The following LIMCH1 variants were observed in gnomAD, a reference collection of about 807,000 sequenced individuals.
LIMCH1 encodes the protein LIM and calponin homology domains 1, also known as LIM and calponin homology domains-containing protein 1.
LIMCH1 carries 113 observed loss-of-function variants against 176.5 expected under a neutral mutation model. The ratio of observed to expected loss-of-function variants is 0.64; its 90% CI spans 0.55 to 0.75. The LOEUF (loss-of-function observed/expected upper bound fraction) is 0.75, where lower values mean the gene tolerates loss of function less well. Ranked by LOEUF, LIMCH1 falls within the 30% of genes least tolerant of loss-of-function variation. The pLI, the probability that LIMCH1 is intolerant of heterozygous loss-of-function variation, is 0.00. For missense variants in LIMCH1, 1,674 were observed against 1,814.9 expected (o/e 0.92, Z 1.41); for synonymous variants, 619 against 645.9 (o/e 0.96, Z 0.63).
At chr4:41,465,572 G>A (rs948050166) in intron 1 of LIMCH1, among the ~76,000 whole-genome samples, 3 of 152,108 alleles carry the variant, frequency 2.0e-5, no homozygotes, top group South Asian at 2.1e-4. Context: ...TATGCAGCAC[G>A]GGTTACAGCC....
intron 1 of LIMCH1, among the ~76,000 whole-genome samples, chr4:41,449,156 C>T (rs578209998): frequency 1.3e-5 from 2 of 152,258 alleles, no homozygotes; most frequent in East Asian, 3.9e-4. Flanking sequence ...GGACCTCTCT[C>T]TCTCATCCCC....
intron 1 of LIMCH1, among the ~76,000 whole-genome samples, chr4:41,390,045 AT>A (rs908652975): frequency 8.7e-5 from 13 of 148,760 alleles, no homozygotes; most frequent in South Asian, 2.1e-4. Flanking sequence ...CAGCAGCACC[AT>A]TTTTTTTTTA....
At chr4:41,363,063 C>T (rs2154091311) in intron 1 of LIMCH1, among the ~76,000 whole-genome samples, 1 of 152,302 alleles carries the variant, frequency 6.6e-6, no homozygotes, top group East Asian at 1.9e-4. Context: ...AGGAGAGCTT[C>T]CCCCTCCCAG....
intron 15 of LIMCH1, 124 bp from the exon 16 acceptor site, chr4:41,645,999 G>A (rs1222467208): frequency 2.1e-6 from 2 of 954,030 alleles, no homozygotes; most frequent in Admixed American, 2.4e-5. Flanking sequence ...GAATGCACAC[G>A]ATGTTATAGT....
At chr4:41,616,814 C>A (rs2152810470) in intron 5 of LIMCH1, among the ~76,000 whole-genome samples, 1 of 152,202 alleles carries the variant, frequency 6.6e-6, no homozygotes, top group Middle Eastern at 3.4e-3. Context: ...CATGAGGACC[C>A]TGAAGTATAG....
chr4:41,592,815 A>C (rs536434776), intron 1 of LIMCH1, among the ~76,000 whole-genome samples: 1 of 152,216 alleles, frequency 6.6e-6, no homozygotes, highest in African/African-American at 2.4e-5. Context: ...TAGAAAAGCT[A>C]TTTGTGCCCT....
At position 41,509,345 on chromosome 4, in the gene LIMCH1, T is replaced by C. The variant is rs1041090761; in HGVS notation, c.167+14739T>C. Among the ~76,000 whole-genome samples the C allele has an allele frequency of 2.0e-5, 3 of 152,336 alleles. No homozygotes were observed. In the South Asian group the frequency reaches 6.2e-4, roughly 32 times the overall value. On this transcript the variant is annotated intron_variant, in intron 2 of 26. Coordinates refer to the LIMCH1 transcript ENST00000313860. ...AGACCCGAGGTGGTAGGGCACAATG[T>C]GTCTTTGCACTCTTTGTCTAGAGCT...
rs1189681336 is a variant in LIMCH1 at position 41,360,916 on chromosome 4, G to A, written c.76G>A (p.Glu26Lys). 1.3e-6 allele frequency: 2 copies of A among 1,585,764 alleles called. No homozygotes were observed. Among genetic ancestry groups the A allele is most frequent in the Non-Finnish European group, 8.6e-7 (1 of 1,169,366 alleles). The change falls in exon 1 of 27, where the codon GAG becomes AAG. Residue 26 changes from glutamate (E) to lysine (K), a missense_variant. By Grantham distance (56) the Glu-to-Lys change is moderately conservative. Coordinates refer to the LIMCH1 transcript ENST00000313860. The surrounding 1 kb of genome is among the most constrained non-coding windows in gnomAD (Gnocchi z 4.5). ...GCCGCCCCCCGAGCCCGCCTTCTCC[G>A]AGGCGCAGAAGTGGATTGAGGTAGG...
intron 1 of LIMCH1, among the ~76,000 whole-genome samples, chr4:41,394,775 G>A (rs575111899): frequency 6.6e-6 from 1 of 152,256 alleles, no homozygotes; most frequent in African/African-American, 2.4e-5. Context: ...AGCATCTTTC[G>A]TGGTGGAGGA....
intron 1 of LIMCH1, among the ~76,000 whole-genome samples, chr4:41,575,352 A>G (rs1472803319): frequency 6.6e-6 from 1 of 152,218 alleles, no homozygotes; most frequent in Admixed American, 6.5e-5. Context: ...AATATTTATT[A>G]TGTGCCAGCA....
chr4:41,385,202 G>C (rs1383256705), intron 1 of LIMCH1, among the ~76,000 whole-genome samples: 1 of 152,172 alleles, frequency 6.6e-6, no homozygotes, highest in Non-Finnish European at 1.5e-5. Context: ...TTAGTGATAA[G>C]CAGGCAAGTG....
Position 41,662,916 on chromosome 4 carries a change from GAAGAAA to G in LIMCH1, c.3228_3233del (p.Glu1076_Lys1077del). On this transcript the variant is annotated inframe_deletion, in exon 20 of 32. Transcript: ENST00000503057. ...CCCCCAGCTGAAGAATGATGTGTCG[GAAGAAA>G]AAGACCAGAAGAAACCAGAAAATGA... 3.1e-6 allele frequency: 5 copies of G among 1,613,998 alleles called. No homozygotes were observed.
intron 1 of LIMCH1, among the ~76,000 whole-genome samples, chr4:41,588,866 A>AT (rs1341776555): frequency 6.6e-6 from 1 of 152,156 alleles, no homozygotes; most frequent in Admixed American, 6.5e-5. Context: ...TTAGCAAAGA[A>AT]GGAGGGAGGG....
At chr4:41,454,427 T>C (rs2064275344) in intron 1 of LIMCH1, among the ~76,000 whole-genome samples, 2 of 151,926 alleles carry the variant, frequency 1.3e-5, no homozygotes, top group Non-Finnish European at 2.9e-5. Flanking sequence ...TGGAGTGTTT[T>C]TCAAATGGGT....
intron 1 of LIMCH1, among the ~76,000 whole-genome samples, chr4:41,420,865 C>A (rs1170456124): frequency 6.6e-6 from 1 of 152,214 alleles, no homozygotes; most frequent in African/African-American, 2.4e-5. Flanking sequence ...GGAGAAAGCA[C>A]ATTTTACTGT....
chr4:41,645,637 G>A (rs1333397114), intron 15 of LIMCH1, among the ~76,000 whole-genome samples: 5 of 152,154 alleles, frequency 3.3e-5, no homozygotes, highest in African/African-American at 1.2e-4. Flanking sequence ...GTTGTTGTAA[G>A]GATCAGATGA....
intron 1 of LIMCH1, among the ~76,000 whole-genome samples, chr4:41,578,072 T>C (rs2084792061): frequency 6.6e-6 from 1 of 152,226 alleles, no homozygotes; most frequent in Non-Finnish European, 1.5e-5. Context: ...CACCCATTTC[T>C]ATACCAGCCC....
chr4:41,511,418 A>C (rs1284319498), intron 2 of LIMCH1, among the ~76,000 whole-genome samples: 1 of 152,246 alleles, frequency 6.6e-6, no homozygotes, highest in Admixed American at 6.5e-5. Flanking sequence ...TGTGACAGCC[A>C]TACATCCCGA....
At position 41,629,694 on chromosome 4, in the gene LIMCH1, T is replaced by C; in HGVS notation, c.1231T>C (p.Leu411=). The part of the protein sequence containing the change: ...ITLSNITEAD[L]ETWERLKVSE... ...GCTCTCCAACATAACAGAAGCTGAC[T>C]TGGAGACGTGGGAGAGACTCAAAGT... is the stretch of plus-strand genomic sequence containing the variant. Residue 411 remains leucine, a synonymous_variant, in exon 9 of 32, where the codon TTG becomes CTG. Transcript: ENST00000503057. The C allele has an allele frequency of 5.2e-6, 8 of 1,536,062 alleles. No individual in the cohort carries two copies. The highest frequency in any genetic ancestry group is 7.0e-6 in the Non-Finnish European group (8 of 1,146,880).
Sources: allele counts gnomAD v4.1 joint callset (sites outside exome capture counted in the v4.1 genomes callset), GRCh38; gene constraint gnomAD v4.1.1; non-coding constraint Gnocchi (gnomAD v3.1); transcripts MANE v1.5; gene names NCBI Gene and HGNC (gene_info 2026-07-23, HGNC 2026-07-21).